The following ACOXL variants were observed in gnomAD, a reference collection of about 807,000 sequenced individuals.
ACOXL encodes the protein acyl-coenzyme A oxidase-like protein.
In ACOXL, 70 loss-of-function variants were observed where a neutral mutation model predicts 71.9. That is an observed-to-expected ratio of 0.97 (90% CI 0.80 to 1.19). ACOXL has a LOEUF of 1.19. ACOXL is among the 50% of genes most tolerant of loss of function. ACOXL has a pLI of 0.00. For missense variants in ACOXL, 703 were observed against 736.3 expected (o/e 0.95, Z 0.52); for synonymous variants, 253 against 281.6 (o/e 0.90, Z 1.02).
chr2:110,805,877 C>A (rs1271626815), intron 9 of ACOXL, among the ~76,000 whole-genome samples: 2 of 152,182 alleles, frequency 1.3e-5, no homozygotes, highest in Non-Finnish European at 2.9e-5. Context: ...CCTGCCCTGC[C>A]TCTCCCGTGT....
intron 12 of ACOXL, among the ~76,000 whole-genome samples, chr2:110,941,163 T>C (rs1475097951): frequency 6.6e-6 from 1 of 152,190 alleles, no homozygotes; most frequent in Non-Finnish European, 1.5e-5. Flanking sequence ...CATTGCTAAG[T>C]ATTGCTAAAT....
At chr2:111,092,575 A>T (rs1333309322) in intron 16 of ACOXL, among the ~76,000 whole-genome samples, 1 of 152,180 alleles carries the variant, frequency 6.6e-6, no homozygotes, top group East Asian at 1.9e-4. Flanking sequence ...TACATATGAA[A>T]TAAGGTTGGT....
At chr2:110,984,137 C>T (rs76300915) in intron 12 of ACOXL, among the ~76,000 whole-genome samples, 9,102 of 152,178 alleles carry the variant, frequency 0.06, 484 homozygotes, top group African/African-American at 0.14. Context: ...TGCACCACTG[C>T]GCCTGGCCAA....
chr2:111,093,800 G>A (rs1352403596), intron 17 of ACOXL: 3 of 348,560 alleles, frequency 8.6e-6, no homozygotes. Context: ...GGAGTTGGAG[G>A]TTGCAGTGAG....
intron 12 of ACOXL, among the ~76,000 whole-genome samples, chr2:110,954,955 T>C (rs1288800030): frequency 6.6e-6 from 1 of 152,252 alleles, no homozygotes; most frequent in Non-Finnish European, 1.5e-5. Context: ...GATTTCCTTA[T>C]TGCTGAGGAA....
chr2:110,911,818 A>G (rs1441598872), intron 11 of ACOXL, among the ~76,000 whole-genome samples: 1 of 152,100 alleles, frequency 6.6e-6, no homozygotes, highest in East Asian at 1.9e-4. Context: ...AAGGATATCT[A>G]ATTTTTCCAT....
chr2:110,792,111 A>G (rs1243358502), intron 3 of ACOXL, among the ~76,000 whole-genome samples: 1 of 152,176 alleles, frequency 6.6e-6, no homozygotes, highest in Non-Finnish European at 1.5e-5. Flanking sequence ...TTCTACTCCA[A>G]ATGGACACAC....
chr2:111,031,329 A>T (rs2065253205), intron 14 of ACOXL, among the ~76,000 whole-genome samples: 2 of 152,242 alleles, frequency 1.3e-5, no homozygotes, highest in Non-Finnish European at 2.9e-5. Flanking sequence ...TGACCCAATC[A>T]GAACAGCCTC....
intron 10 of ACOXL, among the ~76,000 whole-genome samples, chr2:110,855,476 T>C (rs753393371): frequency 7.9e-5 from 12 of 152,154 alleles, no homozygotes; most frequent in Non-Finnish European, 1.8e-4. Context: ...TGAGATACGA[T>C]TTGAGAAAAT....
intron 17 of ACOXL, among the ~76,000 whole-genome samples, chr2:111,111,717 A>T (rs1159987218): frequency 6.6e-6 from 1 of 152,230 alleles, no homozygotes; most frequent in Non-Finnish European, 1.5e-5. Context: ...AATGATGATT[A>T]AGCAAACTTT....
chr2:110,792,124 A>G (rs1292473247), intron 3 of ACOXL, among the ~76,000 whole-genome samples: 2 of 152,208 alleles, frequency 1.3e-5, no homozygotes, highest in Non-Finnish European at 2.9e-5. Flanking sequence ...GGACACACCC[A>G]GATCATGAAT....
intron 10 of ACOXL, among the ~76,000 whole-genome samples, chr2:110,878,894 C>G (rs1198927698): frequency 6.6e-6 from 1 of 151,528 alleles, no homozygotes; most frequent in Non-Finnish European, 1.5e-5. Flanking sequence ...CCCGTCTCTA[C>G]TAAAAACACA....
At chr2:110,903,407 A>T (rs1368070934) in intron 10 of ACOXL, among the ~76,000 whole-genome samples, 1 of 152,270 alleles carries the variant, frequency 6.6e-6, no homozygotes, top group Non-Finnish European at 1.5e-5. Flanking sequence ...GCTGGAATCT[A>T]GAAATAGCTT....
intron 3 of ACOXL, among the ~76,000 whole-genome samples, chr2:110,785,221 A>G (rs1683803555): frequency 6.6e-6 from 1 of 152,212 alleles, no homozygotes; most frequent in Non-Finnish European, 1.5e-5. Flanking sequence ...GAAAGTTACA[A>G]AAATAGTACA....
At chr2:110,855,532 A>G (rs758929566) in intron 10 of ACOXL, among the ~76,000 whole-genome samples, 7 of 152,250 alleles carry the variant, frequency 4.6e-5, no homozygotes, top group Non-Finnish European at 7.3e-5. Context: ...AGATACAAGG[A>G]TGTACCTGAT....
intron 15 of ACOXL, among the ~76,000 whole-genome samples, chr2:111,034,732 G>T (rs575895008): frequency 4.4e-4 from 67 of 152,304 alleles, no homozygotes; most frequent in African/African-American, 1.5e-3. Context: ...ACACTAGCCA[G>T]TAAAATTTCA....
intron 9 of ACOXL, among the ~76,000 whole-genome samples, chr2:110,819,632 C>T (rs551820018): frequency 5.8e-4 from 89 of 152,298 alleles, no homozygotes; most frequent in African/African-American, 2.0e-3. Flanking sequence ...AGTTGGAATG[C>T]GTGGTTGGTA....
intron 14 of ACOXL, among the ~76,000 whole-genome samples, chr2:111,021,839 C>T (rs183873363): frequency 4.6e-5 from 7 of 151,684 alleles, no homozygotes; most frequent in Middle Eastern, 6.8e-3. Flanking sequence ...AAAATAAAAA[C>T]GAGATCTGTT....
rs141900371 is a variant in ACOXL at position 110,950,874 on chromosome 2, T to C, written c.1059+17232T>C. 6.4e-3 allele frequency among the ~76,000 whole-genome samples: 952 copies of C among 148,594 alleles called. 9 individuals carry two copies. The highest frequency in any genetic ancestry group is 0.023 in the African/African-American group (920 of 40,018). ...TTTAGCTCTCATGAGAACCAGGGAC[T>C]GGGAAGGGGTCTGGAGTCCCCGAAT... On this transcript the variant is annotated intron_variant, in intron 12 of 17. Transcript: ENST00000439055.
Sources: gnomAD v4.1 joint callset for allele counts (sites outside exome capture counted in the v4.1 genomes callset) on GRCh38, gnomAD v4.1.1 for gene constraint, MANE v1.5 for transcripts, NCBI Gene and HGNC (gene_info 2026-07-23, HGNC 2026-07-21) for gene names.